The following SHANK2 variants were observed in gnomAD, a reference collection of about 807,000 sequenced individuals.
SHANK2 encodes SH3 and multiple ankyrin repeat domains protein 2.
SHANK2 carries 43 observed loss-of-function variants against 133.7 expected under a neutral mutation model. The observed-to-expected ratio is 0.32, with a 90% confidence interval of 0.25 to 0.41. SHANK2 has a LOEUF of 0.41. Among genes scored for constraint, SHANK2 ranks in the 10% least tolerant of loss-of-function variants. The probability of loss-of-function intolerance (pLI) is 1.00; values close to 1 mark genes in which losing one functional copy is unlikely to be tolerated. For missense variants in SHANK2, 1,994 were observed against 2,235.8 expected, an observed-to-expected ratio of 0.89 and a Z score of 2.18; for synonymous variants, 1,017 against 952.8, an observed-to-expected ratio of 1.07 and a Z score of -1.24.
chr11:70,473,569 C>A lies in SHANK2; in HGVS notation c.4980-130G>T. ...GAGTGTCTAGTGGCAGATCCACTGG[C>A]AGTGAACGAATGATTTGCCATGCCA... On this transcript the variant is annotated intron_variant, in intron 25 of 25. Transcript: ENST00000601538. This position sits in a 1 kb window ranked among gnomAD's most constrained non-coding sequence, Gnocchi z 5.9. The A allele has an allele frequency of 7.1e-6, 6 of 844,350 alleles. No homozygotes were observed. Among genetic ancestry groups the A allele is most frequent in the East Asian group, 2.7e-5 (1 of 37,338 alleles). The allele number at this position is 844,350 out of a possible 1,614,324, so 52.3% of individuals were successfully genotyped here.
intron 14 of SHANK2, among the ~76,000 whole-genome samples, chr11:70,781,580 A>ATATATATATATATATATATATT (rs34035945): frequency 3.2e-5 from 4 of 126,296 alleles, no homozygotes; most frequent in African/African-American, 1.2e-4. Context: ...ATATATATAT[A>ATATATATATATATATATATATT]TATTTACTTA....
At chr11:70,826,554 G>A (rs1276105852) in intron 11 of SHANK2, 2 of 470,990 alleles carry the variant, frequency 4.2e-6, no homozygotes, top group Non-Finnish European at 8.8e-6. Context: ...CTTCCTGGAT[G>A]GGAGGAAGGA....
intron 14 of SHANK2, among the ~76,000 whole-genome samples, chr11:70,761,992 C>A (rs565570378): frequency 1.3e-5 from 2 of 152,206 alleles, no homozygotes; most frequent in Non-Finnish European, 2.9e-5. Context: ...TCAGCCCCAG[C>A]GGCTTTTCTC....
At chr11:70,923,745 G>T (rs1419749691) in intron 10 of SHANK2, among the ~76,000 whole-genome samples, 1 of 151,938 alleles carries the variant, frequency 6.6e-6, no homozygotes, top group African/African-American at 2.4e-5. Context: ...TAGAGTCAAG[G>T]TCTCACTATG....
intron 10 of SHANK2, among the ~76,000 whole-genome samples, chr11:70,938,009 C>T (rs1359964437): frequency 6.6e-6 from 1 of 152,104 alleles, no homozygotes; most frequent in East Asian, 1.9e-4. Flanking sequence ...TCTATATCAC[C>T]TTCTCACTTT....
intron 6 of SHANK2, among the ~76,000 whole-genome samples, chr11:71,102,413 T>TC (rs1951729500): frequency 6.6e-6 from 1 of 152,074 alleles, no homozygotes; most frequent in Non-Finnish European, 1.5e-5. Context: ...GAGGGCTGCT[T>TC]CCCTCCGCTC....
intron 17 of SHANK2, among the ~76,000 whole-genome samples, chr11:70,554,266 AG>A (rs1285967577): frequency 1.9e-4 from 29 of 152,204 alleles, no homozygotes; most frequent in African/African-American, 5.8e-4. Context: ...GGCTTTGATG[AG>A]CCCCCAAGGG....
intron 9 of SHANK2, among the ~76,000 whole-genome samples, chr11:71,061,651 G>A (rs1320092781): frequency 2.0e-5 from 3 of 152,116 alleles, no homozygotes; most frequent in Non-Finnish European, 4.4e-5. Flanking sequence ...CCAGGAGAGG[G>A]GCCCACTCAT....
chr11:70,886,140 C>A (rs946096788), intron 11 of SHANK2, among the ~76,000 whole-genome samples: 2 of 152,170 alleles, frequency 1.3e-5, no homozygotes, highest in Non-Finnish European at 2.9e-5. Flanking sequence ...ACAGCTCACT[C>A]GGTCCCGCGA....
rs2058871269 is a variant in SHANK2, at chr11:70,490,465, G to A, written c.2440-78C>T. The A allele has an allele frequency of 6.5e-6, 8 of 1,222,208 alleles. No individual in the cohort carries two copies. In the African/African-American group the frequency reaches 7.4e-5, roughly 11 times the overall value. The allele number at this position is 1,222,208 out of a possible 1,614,324, so 75.7% of individuals were successfully genotyped here. A position where few individuals can be genotyped will look rare whatever the true frequency, so the allele number is the denominator to read the frequency against. On this transcript the variant is annotated intron_variant, in intron 22 of 25. Transcript: ENST00000601538. ...CGGTCACAGGGCCCAGAGACCACAAGGGAACTTCCGTCACTGTGGCTTCCC... is the reference window on the plus strand; with the variant it reads ...CGGTCACAGGGCCCAGAGACCACAAAGGAACTTCCGTCACTGTGGCTTCCC...
chr11:70,634,397 C>T (rs2061043512), intron 17 of SHANK2: 1 of 152,030 alleles, frequency 6.6e-6, no homozygotes, highest in Admixed American at 6.5e-5. Context: ...ATACTAAGGT[C>T]GATGAAAATT....
At chr11:71,242,995 T>C (rs147170389) in intron 1 of SHANK2, among the ~76,000 whole-genome samples, 6 of 152,188 alleles carry the variant, frequency 3.9e-5, no homozygotes, top group African/African-American at 9.6e-5. Flanking sequence ...CACGGGGAAA[T>C]TGGAAAACAC....
At chr11:70,948,194 C>T (rs782244102) in intron 10 of SHANK2, 84 of 426,050 alleles carry the variant, frequency 2.0e-4, no homozygotes, top group Middle Eastern at 3.4e-4. Flanking sequence ...AACTCGCTTC[C>T]GCATTGCCAG....
At chr11:70,767,297 C>T (rs1427196892) in intron 14 of SHANK2, among the ~76,000 whole-genome samples, 2 of 152,112 alleles carry the variant, frequency 1.3e-5, no homozygotes, top group Non-Finnish European at 2.9e-5. Flanking sequence ...GGCGGTTTTT[C>T]GAAAAGTTAA....
chr11:70,886,977 T>C (rs146668345), intron 11 of SHANK2, among the ~76,000 whole-genome samples: 87 of 152,320 alleles, frequency 5.7e-4, no homozygotes, highest in Non-Finnish European at 9.3e-4. Context: ...CCTTGTTCGG[T>C]TGAGGAAGAA....
chr11:71,251,196 C>A (rs1948172895), intron 1 of SHANK2, among the ~76,000 whole-genome samples: 2 of 152,152 alleles, frequency 1.3e-5, no homozygotes, highest in African/African-American at 4.8e-5. Flanking sequence ...CCACGGTCAC[C>A]TGCACCACCC....
Position 70,786,132 on chromosome 11 carries a change from C to G in SHANK2, c.1777+12311G>C, listed in dbSNP as rs571917011. On this transcript the variant is annotated intron_variant, in intron 14 of 25. Transcript: ENST00000601538. Reference sequence around the variant, plus strand: ...CTTTCAAGTGGAAACACAGCTGGCACGGGCAGCACAGGGCTTATAAATGAC... The same window carrying G: ...CTTTCAAGTGGAAACACAGCTGGCAGGGGCAGCACAGGGCTTATAAATGAC... Among the ~76,000 whole-genome samples the G allele has an allele frequency of 4.6e-5, 7 of 152,278 alleles. No homozygotes were observed. In the South Asian group the frequency reaches 1.2e-3, roughly 27 times the overall value.
intron 11 of SHANK2, among the ~76,000 whole-genome samples, chr11:70,845,219 AG>A (rs1555062905): frequency 6.7e-6 from 1 of 149,790 alleles, no homozygotes; most frequent in African/African-American, 2.5e-5. Context: ...AAAAAAAAAA[AG>A]AAAAAGAAAG....
intron 2 of SHANK2, among the ~76,000 whole-genome samples, chr11:71,167,097 G>A (rs1287085385): frequency 3.3e-5 from 5 of 151,774 alleles, no homozygotes; most frequent in Admixed American, 6.6e-5. Context: ...GATAGCACAG[G>A]GTTGGGGGTA....
Sources: allele counts gnomAD v4.1 joint callset (sites outside exome capture counted in the v4.1 genomes callset), GRCh38; gene constraint gnomAD v4.1.1; non-coding constraint Gnocchi (gnomAD v3.1); transcripts MANE v1.5; gene names NCBI Gene and HGNC (gene_info 2026-07-23, HGNC 2026-07-21).